PLCB3: variants seen among roughly 807,000 people sequenced by gnomAD.
The protein encoded by PLCB3 is 1-phosphatidylinositol 4,5-bisphosphate phosphodiesterase beta-3.
PLCB3 carries 54 observed loss-of-function variants against 152.1 expected under a neutral mutation model. The observed-to-expected ratio is 0.36, with a 90% CI of 0.29 to 0.45. PLCB3 has a LOEUF of 0.45. Ranked by LOEUF, PLCB3 falls within the 20% of genes least tolerant of loss-of-function variation. The pLI, the probability that PLCB3 is intolerant of heterozygous loss-of-function variation, is 1.00. For synonymous variants in PLCB3, 717 were observed against 698.7 expected (o/e 1.03, Z -0.41); for missense variants, 1,248 against 1,687.5 (o/e 0.74, Z 4.56).
At position 64,265,473 on chromosome 11, in the gene PLCB3, G is replaced by T. The variant is rs142330950; in HGVS notation, c.3006G>T (p.Glu1002Asp). The T allele has an allele frequency of 1.5e-3, 2,489 of 1,606,358 alleles. No individual in the cohort carries two copies. Among genetic ancestry groups the T allele is most frequent in the Non-Finnish European group, 1.9e-3 (2,249 of 1,178,960 alleles). Residue 1002 changes from glutamate to aspartate, a missense_variant, in exon 25 of 31, where the codon GAG becomes GAT. By Grantham distance (45) the Glu-to-Asp change is conservative. Around this residue, in one of 6 missense-constraint regions of PLCB3, gnomAD observed 477 missense variants for 489.6 expected, o/e 0.97. Coordinates refer to ENST00000279230, the MANE Select transcript of PLCB3 (RefSeq NM_000932.5). ...ATGGCCTGGCTCAGGCACAGGCTGA[G>T]GGCAGGTGCCGGCTGCGGCCAGGTG... is the stretch of plus-strand genomic sequence containing the variant. ...LLDGLAQAQA[E>D]GRCRLRPGAL...
In PLCB3 at chr11:64,265,928, C is replaced by T. The variant is rs756263457; in HGVS notation, c.3078C>T (p.Asp1026=). The change falls in exon 26 of 31, where the codon GAC becomes GAT. Residue 1026 remains aspartate, a synonymous_variant. Coordinates refer to ENST00000279230, the MANE Select transcript of PLCB3 (RefSeq NM_000932.5). ...ADVEDTKEGE[D]EAKRYQEFQN... The stretch of plus-strand genomic sequence containing the variant: ...TGGAGGACACGAAGGAGGGGGAGGA[C>T]GAGGCAAAGCGGTATCAGGAGTTCC... 18 of 1,613,406 alleles carry T rather than the reference C, an allele frequency of 1.1e-5. No homozygotes were observed. Among genetic ancestry groups the T allele is most frequent in the African/African-American group, 2.7e-5 (2 of 74,882 alleles).
rs765417779 is a variant in PLCB3, at chr11:64,255,494, G to C, written c.521+45G>C. The stretch of plus-strand genomic sequence containing the variant: ...GCACCTTCCTCCTGCCCTGACCTTG[G>C]TGACCTTTGTCCTCCACTGACCCTG... On this transcript the variant is annotated intron_variant, in intron 6 of 30. Transcript: ENST00000279230. The surrounding 1 kb of genome is among the most constrained non-coding windows in gnomAD (Gnocchi z 6.8). 7.4e-6 allele frequency: 12 copies of C among 1,613,946 alleles called. No individual in the cohort carries two copies. The highest frequency in any genetic ancestry group is 1.3e-5 in the African/African-American group (1 of 75,046).
downstream of PLCB3, among the ~76,000 whole-genome samples, chr11:64,269,430 C>T (rs2032325600): frequency 6.6e-6 from 1 of 152,242 alleles, no homozygotes; most frequent in Non-Finnish European, 1.5e-5. Flanking sequence ...CCGCATGAAG[C>T]CTCAGTTTCC....
intron 21 of PLCB3, 98 bp downstream of exon 21, chr11:64,263,893 GAGT>G: frequency 8.3e-7 from 1 of 1,200,998 alleles, no homozygotes; most frequent in South Asian, 1.3e-5. Context: ...GGCCCCGACT[GAGT>G]AGGGAACTGA....
In PLCB3 at chr11:64,266,321, G is replaced by T; in HGVS notation, c.3273G>T (p.Lys1091Asn). 1 of 1,613,544 alleles carries T rather than the reference G, an allele frequency of 6.2e-7. No individual in the cohort carries two copies. Among genetic ancestry groups the T allele is most frequent in the Non-Finnish European group, 8.5e-7 (1 of 1,179,890 alleles). ...KRLKEMNERE[K>N]KELQKILDRK... ...CCCCTGCCGGCTTCTCCAGGGAGAA[G>T]AAGGAGCTGCAGAAGATCCTGGACA... The change falls in exon 28 of 31, where the codon AAG becomes AAT. Residue 1091 changes from lysine (K) to asparagine (N), a missense_variant. By Grantham distance (94) the Lys-to-Asn change is moderately conservative (BLOSUM62 0). This residue lies in a region of PLCB3 where 477 missense variants were observed against 489.6 expected (regional missense o/e 0.97). Coordinates refer to ENST00000279230, the MANE Select transcript of PLCB3 (RefSeq NM_000932.5). The surrounding 1 kb of genome is among the most constrained non-coding windows in gnomAD (Gnocchi z 4.9).
Position 64,265,060 on chromosome 11 carries a change from C to A in PLCB3, c.2762C>A (p.Pro921His), listed in dbSNP as rs762804403. The change falls in exon 23 of 31, where the codon CCT becomes CAT. Residue 921 changes from proline (P) to histidine (H), a missense_variant. By Grantham distance (77) the Pro-to-His change is moderately conservative. Around this residue, in one of 6 missense-constraint regions of PLCB3, gnomAD observed 477 missense variants for 489.6 expected, o/e 0.97. Transcript: ENST00000279230. ...SPLDASPRRPPGPTTSPASTS... is the reference protein window; with the variant it reads ...SPLDASPRRPHGPTTSPASTS... ...CTGGATGCCTCCCCCCGCCGGCCCC[C>A]TGGCCCCACCACCTCCCCTGCCAGC... is the stretch of plus-strand genomic sequence containing the variant. 15 of 1,542,134 alleles carry A rather than the reference C, an allele frequency of 9.7e-6. No individual in the cohort carries two copies. The South Asian group carries it at 1.8e-4, about 18-fold the overall frequency.
In PLCB3 at chr11:64,262,051, T is replaced by G; in HGVS notation, c.2013T>G (p.Leu671=). 1 of 1,614,150 alleles carries G rather than the reference T, an allele frequency of 6.2e-7. No individual in the cohort carries two copies. Among genetic ancestry groups the G allele is most frequent in the Non-Finnish European group, 8.5e-7 (1 of 1,180,010 alleles). ...PQLFWNVGCQ[L]VALNFQTLDV... ...TCTTCTGGAACGTAGGGTGCCAGCT[T>G]GTTGCGCTCAACTTCCAGACCCTCG... Residue 671 remains leucine, a synonymous_variant, in exon 17 of 31, where the codon CTT becomes CTG. Transcript: ENST00000279230.
chr11:64,268,141 GA>G (rs1186814862), downstream of PLCB3, among the ~76,000 whole-genome samples: 4 of 152,130 alleles, frequency 2.6e-5, no homozygotes, highest in Non-Finnish European at 5.9e-5. Context: ...CCATCCCCAT[GA>G]CTTTCGTCTC....
intron 1 of PLCB3, among the ~76,000 whole-genome samples, chr11:64,252,009 G>A (rs1228923436): frequency 1.3e-5 from 2 of 151,634 alleles, no homozygotes; most frequent in Non-Finnish European, 2.9e-5. Flanking sequence ...CCGTCCCCCC[G>A]TTTTCCATTC....
Position 64,266,414 on chromosome 11 carries a change from C to T in PLCB3, c.3356+10C>T, listed in dbSNP as rs1262572611. ...AGCATAAGAAGGAGGCGTAAGGGCACCGGGACCGGGGGCCATCTGGGTACT... is the reference window on the plus strand; with the variant it reads ...AGCATAAGAAGGAGGCGTAAGGGCATCGGGACCGGGGGCCATCTGGGTACT... On this transcript the variant is annotated intron_variant, in intron 28 of 30. Transcript: ENST00000279230. This position sits in a 1 kb window ranked among gnomAD's most constrained non-coding sequence, Gnocchi z 4.9. 4 of 1,601,970 alleles carry T rather than the reference C, an allele frequency of 2.5e-6. No homozygotes were observed. Among genetic ancestry groups the T allele is most frequent in the Non-Finnish European group, 8.6e-7 (1 of 1,169,206 alleles).
Position 64,264,013 on chromosome 11 carries a change from C to T in PLCB3, c.2561-8C>T, listed in dbSNP as rs1001031510. ...TCTCTGAGACCTTGGCCTTCTGCCT[C>T]CCCCCAGACTATGCGGAGGCCCTGA... On this transcript the variant is annotated splice_polypyrimidine_tract_variant and splice_region_variant and intron_variant, in intron 21 of 30. Transcript: ENST00000279230. The T allele has an allele frequency of 7.7e-6, 12 of 1,566,134 alleles. No homozygotes were observed. The highest frequency in any genetic ancestry group is 1.4e-5 in the African/African-American group (1 of 73,274).
In PLCB3 at chr11:64,256,997, C is replaced by CTTTTTTTTTTT. The variant is rs5792316; in HGVS notation, c.1012+247_1012+257dup. 1.5e-4 allele frequency among the ~76,000 whole-genome samples: 9 copies of CTTTTTTTTTTT among 61,588 alleles called. 1 individual carries two copies. The highest frequency in any genetic ancestry group is 3.3e-4 in the African/African-American group (5 of 14,950). The allele number at this position is 61,588 out of a possible 152,430, so 40.4% of individuals were successfully genotyped here. On this transcript the variant is annotated intron_variant, in intron 10 of 30. Transcript: ENST00000279230. ...CTGCAGCAGGAGAGACTTCAGGGTC[C>CTTTTTTTTTTT]TTTTTTTTTTTTTTTTTTTTTTTTG...
At chr11:64,254,869 C>G in intron 3 of PLCB3, 29 bp from the exon 4 acceptor site, 1 of 1,613,252 alleles carries the variant, frequency 6.2e-7, no homozygotes. Flanking sequence ...CGGGAGCCCC[C>G]TCTTCACCCT....
At position 64,267,260 on chromosome 11, in the gene PLCB3, G is replaced by A; in HGVS notation, c.3490G>A (p.Glu1164Lys). Residue 1164 changes from glutamate (E) to lysine (K), a missense_variant, in exon 30 of 31, where the codon GAG becomes AAG. This residue lies in a region of PLCB3 where 477 missense variants were observed against 489.6 expected (regional missense o/e 0.97). Transcript: ENST00000279230. This position sits in a 1 kb window ranked among gnomAD's most constrained non-coding sequence, Gnocchi z 5.2. Reference sequence around the variant, plus strand: ...GCAGGTCCTGCAACAGCTGGCAGAAGAGGAGCCCAAGGTGAGGCCATGGGC... The same window carrying A: ...GCAGGTCCTGCAACAGCTGGCAGAAAAGGAGCCCAAGGTGAGGCCATGGGC... ...QQQVLQQLAE[E>K]EPKLLAQLAQ... The A allele has an allele frequency of 6.4e-7, 1 of 1,550,982 alleles. No individual in the cohort carries two copies. Among genetic ancestry groups the A allele is most frequent in the Non-Finnish European group, 8.7e-7 (1 of 1,146,974 alleles).
At chr11:64,268,746 C>T (rs2032269392), downstream of PLCB3, 1 of 152,340 alleles carries the variant, frequency 6.6e-6, no homozygotes, top group African/African-American at 2.4e-5. Context: ...TCCCAGCTTC[C>T]TGGCTCTTCC....
chr11:64,263,212 A>T (rs1029755644), intron 19 of PLCB3, among the ~76,000 whole-genome samples: 6 of 151,596 alleles, frequency 4.0e-5, no homozygotes, highest in Non-Finnish European at 2.9e-5. Flanking sequence ...CTCATGACTC[A>T]CTCCCGTTTC....
chr11:64,256,403 G>A lies in PLCB3; in HGVS notation c.726G>A (p.Thr242=), dbSNP rs200770371. 104 of 1,613,648 alleles carry A rather than the reference G, an allele frequency of 6.4e-5. 3 individuals are homozygous for A. In the Admixed American group the frequency reaches 1.2e-3, roughly 19 times the overall value. Residue 242 remains threonine (T), a synonymous_variant, in exon 9 of 31, where the codon ACG becomes ACA. Coordinates refer to ENST00000279230, the MANE Select transcript of PLCB3 (RefSeq NM_000932.5). ...EIGAKGKPYL[T]LEQLMDFINQ... is the part of the protein sequence containing the mutation. Reference sequence around the variant, plus strand: ...GCGCCAAGGGCAAGCCATACCTGACGCTGGAGCAGCTCATGGACTTCATCA... The same window carrying A: ...GCGCCAAGGGCAAGCCATACCTGACACTGGAGCAGCTCATGGACTTCATCA...
At position 64,263,715 on chromosome 11, in the gene PLCB3, A is replaced by G; in HGVS notation, c.2480A>G (p.Asn827Ser). 1 of 1,613,520 alleles carries G rather than the reference A, an allele frequency of 6.2e-7. No individual in the cohort carries two copies. Among genetic ancestry groups the G allele is most frequent in the Non-Finnish European group, 8.5e-7 (1 of 1,179,944 alleles). The part of the protein sequence containing the change: ...RSGYHYVCLR[N>S]EANQPLCLPA... ...GGATACCACTACGTCTGCCTGCGGA[A>G]CGAGGCCAACCAACCGCTGTGCCTG... The change falls in exon 21 of 31, where the codon AAC becomes AGC. Residue 827 changes from asparagine (N) to serine (S), a missense_variant. By Grantham distance (46) the Asn-to-Ser change is conservative. Around this residue, in one of 6 missense-constraint regions of PLCB3, gnomAD observed 244 missense variants for 424.4 expected, o/e 0.57. Transcript: ENST00000279230.
Position 64,251,686 on chromosome 11 carries a change from T to C in PLCB3, c.37T>C (p.Leu13=), listed in dbSNP as rs2135032561. 1 of 1,480,560 alleles carries C rather than the reference T, an allele frequency of 6.8e-7. No homozygotes were observed. The highest frequency in any genetic ancestry group is 9.0e-7 in the Non-Finnish European group (1 of 1,112,920). 91.7% of individuals were successfully genotyped at this position (1,480,560 alleles called of 1,614,324 possible). ...GAQPGVHALQ[L]EPPTVVETLR... Reference sequence around the variant, plus strand: ...CCAGCCCGGCGTCCACGCGCTGCAGTTGGAGCCGCCCACCGTGGTGGAGAC... The same window carrying C: ...CCAGCCCGGCGTCCACGCGCTGCAGCTGGAGCCGCCCACCGTGGTGGAGAC... Residue 13 remains leucine, a synonymous_variant, in exon 1 of 31, where the codon TTG becomes CTG. Transcript: ENST00000279230.
Sources: allele counts gnomAD v4.1 joint callset (sites outside exome capture counted in the v4.1 genomes callset), GRCh38; gene constraint gnomAD v4.1.1; regional missense constraint gnomAD v4.1.1; non-coding constraint Gnocchi (gnomAD v3.1); transcripts MANE v1.5; gene names NCBI Gene and HGNC (gene_info 2026-07-23, HGNC 2026-07-21).